Variants in KMT2D observed in about 807,000 individuals in gnomAD.
The protein encoded by KMT2D is histone-lysine N-methyltransferase 2D.
Under a neutral mutation model 512.7 loss-of-function variants are expected in KMT2D, and 55 were observed. The ratio of observed to expected loss-of-function variants is 0.11; its 90% CI spans 0.09 to 0.13. The LOEUF is 0.13. Ranked by LOEUF, KMT2D falls within the 10% of genes least tolerant of loss-of-function variation. KMT2D has a pLI of 1.00. For missense variants in KMT2D, 6,061 were observed against 7,127.9 expected (o/e 0.85, Z 5.39); for synonymous variants, 2,995 against 2,904.0 (o/e 1.03, Z -1.01).
chr12:49,024,237 G>A lies in KMT2D; in HGVS notation c.16052+341C>T, dbSNP rs1942463702. On this transcript the variant is annotated intron_variant, in intron 51 of 54. Coordinates refer to ENST00000301067, the MANE Select transcript of KMT2D (RefSeq NM_003482.4). The surrounding 1 kb of genome is among the most constrained non-coding windows in gnomAD (Gnocchi z 4.5). Reference sequence around the variant, plus strand: ...CCCTAGCACCCATGGGGTATCTGAGGTTTGGGAGAATCACAGGCCCTCCCC... The same window carrying A: ...CCCTAGCACCCATGGGGTATCTGAGATTTGGGAGAATCACAGGCCCTCCCC... 2.5e-6 allele frequency: 1 copy of A among 400,470 alleles called. No individual in the cohort carries two copies. Among genetic ancestry groups the A allele is most frequent in the Non-Finnish European group, 4.7e-6 (1 of 214,896 alleles). The allele number at this position is 400,470 out of a possible 1,614,324, so 24.8% of individuals were successfully genotyped here. A position where few individuals can be genotyped will look rare whatever the true frequency, so the allele number is the denominator to read the frequency against.
At chr12:49,035,114 T>C (rs1251155015) in intron 35 of KMT2D, among the ~76,000 whole-genome samples, 179 bp from the exon 36 acceptor site, 1 of 152,164 alleles carries the variant, frequency 6.6e-6, no homozygotes, top group Admixed American at 6.5e-5. Flanking sequence ...TCACAGGACA[T>C]GTGGGCCTGT....
rs1942292760 is a variant in KMT2D, at chr12:49,020,941, A to T, written c.*839T>A. ...CAACCACCATCCCATGCCCATAATT[A>T]AAAACAAAGATGGATTTTTTGTTGT... On this transcript the variant is annotated 3_prime_UTR_variant, in exon 55 of 55. Coordinates refer to ENST00000301067, the MANE Select transcript of KMT2D (RefSeq NM_003482.4). 5.1e-6 allele frequency: 1 copy of T among 195,520 alleles called. No homozygotes were observed. The highest frequency in any genetic ancestry group is 6.1e-5 in the Admixed American group (1 of 16,360). The allele number at this position is 195,520 out of a possible 1,614,324, so 12.1% of individuals were successfully genotyped here. A position where few individuals can be genotyped will look rare whatever the true frequency, so the allele number is the denominator to read the frequency against.
chr12:49,034,761 G>C, intron 36 of KMT2D, 51 bp downstream of exon 36: 1 of 1,607,554 alleles, frequency 6.2e-7, no homozygotes, highest in African/African-American at 1.3e-5. Context: ...GCCAAGAAGG[G>C]GTGTGACTGG....
At chr12:49,056,157 C>A (rs1938394779) in intron 1 of KMT2D, among the ~76,000 whole-genome samples, 1 of 152,194 alleles carries the variant, frequency 6.6e-6, no homozygotes, top group African/African-American at 2.4e-5. Context: ...TGTAGCCAGG[C>A]CTGAGGCTAA....
intron 1 of KMT2D, among the ~76,000 whole-genome samples, chr12:49,059,070 C>T (rs887553423): frequency 6.6e-6 from 1 of 152,172 alleles, no homozygotes; most frequent in Non-Finnish European, 1.5e-5. Flanking sequence ...TCAGTTTCCA[C>T]ACACTCTCCC....
chr12:49,029,498 GA>G, intron 43 of KMT2D, 22 bp from the exon 44 acceptor site: 1 of 1,544,560 alleles, frequency 6.5e-7, no homozygotes, highest in Non-Finnish European at 8.8e-7. Context: ...GTAGGGAGAA[GA>G]AAAGTCAGGT....
chr12:49,035,321 A>G (rs1381606622), intron 35 of KMT2D, among the ~76,000 whole-genome samples: 4 of 152,202 alleles, frequency 2.6e-5, no homozygotes, highest in Non-Finnish European at 5.9e-5. Flanking sequence ...CTTCAAAGGT[A>G]ATGTTCTTAG....
intron 10 of KMT2D, 57 bp downstream of exon 10, chr12:49,052,507 G>C (rs776367433): frequency 1.8e-5 from 28 of 1,591,686 alleles, no homozygotes; most frequent in Non-Finnish European, 2.3e-5. Flanking sequence ...TGCACAAACT[G>C]TCTCTTGCCA....
At position 49,043,311 on chromosome 12, in the gene KMT2D, G is replaced by C. The variant is rs1332454906; in HGVS notation, c.5533+52C>G. On this transcript the variant is annotated intron_variant, in intron 25 of 54. Coordinates refer to ENST00000301067, the MANE Select transcript of KMT2D (RefSeq NM_003482.4). ...ACAATGCTCAGGGGCACAGCAGAGG[G>C]ACAGAGGCAAGCAAGGCCAAGACAG... 2.8e-5 allele frequency: 44 copies of C among 1,585,576 alleles called. No homozygotes were observed. In the East Asian group the frequency reaches 9.6e-4, roughly 35 times the overall value.
rs1224252970 is a variant in KMT2D at position 49,042,037 on chromosome 12, C to T, written c.6110-47G>A. 4 of 1,611,694 alleles carry T rather than the reference C, an allele frequency of 2.5e-6. No individual in the cohort carries two copies. The South Asian group carries it at 3.3e-5, about 13-fold the overall frequency. On this transcript the variant is annotated intron_variant, in intron 29 of 54. Coordinates refer to ENST00000301067, the MANE Select transcript of KMT2D (RefSeq NM_003482.4). The surrounding 1 kb of genome is among the most constrained non-coding windows in gnomAD (Gnocchi z 4.4). The stretch of plus-strand genomic sequence containing the variant: ...TCAGAGAAGACTTGGCAGGCGACTC[C>T]TCCACCTGCCATGTTGCCAGGCTGT...
At chr12:49,036,630 A>G (rs946792822) in intron 35 of KMT2D, among the ~76,000 whole-genome samples, 3 of 151,900 alleles carry the variant, frequency 2.0e-5, no homozygotes, top group African/African-American at 7.3e-5. Context: ...CTGGGATTAC[A>G]GGGATGCACC....
In KMT2D at chr12:49,043,105, C is replaced by T. The variant is rs752658829; in HGVS notation, c.5615G>A (p.Ser1872Asn). The T allele has an allele frequency of 6.2e-7, 1 of 1,613,974 alleles. No homozygotes were observed. The highest frequency in any genetic ancestry group is 8.5e-7 in the Non-Finnish European group (1 of 1,179,832). ...KPGTPGEGML[S>N]SDLDRISTEE... ...TGTGGAAATCCTGTCTAAGTCAGAG[C>T]TAAGCATCCCTTCACCTGGGGTGCC... is the stretch of plus-strand genomic sequence containing the variant. The change falls in exon 26 of 55, where the codon AGC (serine) becomes AAC (asparagine). Residue 1872 changes from serine to asparagine, a missense_variant. Ser to Asn is a conservative substitution (Grantham distance 46). This residue lies in a region of KMT2D where 640 missense variants were observed against 814.3 expected (regional missense o/e 0.79). Coordinates refer to ENST00000301067, the MANE Select transcript of KMT2D (RefSeq NM_003482.4).
In KMT2D at chr12:49,030,286, G is replaced by A; in HGVS notation, c.13993C>T (p.Leu4665=). Residue 4665 remains leucine, a synonymous_variant, in exon 43 of 55, where the codon CTG becomes TTG. Coordinates refer to ENST00000301067, the MANE Select transcript of KMT2D (RefSeq NM_003482.4). ...GCATCTGCTCTTGACTTACCCCTCAGTGCCCTTTCACTATCCCGGGCAGAG... is the reference window on the plus strand; with the variant it reads ...GCATCTGCTCTTGACTTACCCCTCAATGCCCTTTCACTATCCCGGGCAGAG... ...AASARDSERA[L]RDTSEVKSLD... 1 of 1,600,692 alleles carries A rather than the reference G, an allele frequency of 6.2e-7. No individual in the cohort carries two copies. Among genetic ancestry groups the A allele is most frequent in the African/African-American group, 1.3e-5 (1 of 74,800 alleles).
intron 44 of KMT2D, 68 bp from the exon 45 acceptor site, chr12:49,029,304 T>C (rs1942767499): frequency 1.3e-6 from 2 of 1,590,734 alleles, no homozygotes; most frequent in African/African-American, 1.3e-5. Flanking sequence ...TAGAGATGAA[T>C]AGATGTCTTA....
In KMT2D at chr12:49,027,990, G is replaced by A. The variant is rs1400419067; in HGVS notation, c.14515+19C>T. 6.2e-7 allele frequency: 1 copy of A among 1,613,346 alleles called. No homozygotes were observed. The highest frequency in any genetic ancestry group is 1.1e-5 in the South Asian group (1 of 91,046). On this transcript the variant is annotated intron_variant, in intron 47 of 54. Coordinates refer to ENST00000301067, the MANE Select transcript of KMT2D (RefSeq NM_003482.4). The stretch of plus-strand genomic sequence containing the variant: ...AATCACTCCCCTCAAGTCCCAAAGG[G>A]CTTCCCTGCCACACTCACCAGGACC...
intron 1 of KMT2D, among the ~76,000 whole-genome samples, chr12:49,057,318 A>C (rs1360819035): frequency 6.6e-6 from 1 of 152,230 alleles, no homozygotes; most frequent in Non-Finnish European, 1.5e-5. Flanking sequence ...GTTGAGGCCA[A>C]AAGAGTCACA....
chr12:49,040,559 G>A lies in KMT2D; in HGVS notation c.7211C>T (p.Pro2404Leu), dbSNP rs1292234282. ...AGGCACTCGGGAGAAAGGGTCGGAG[G>A]GCAGTGAGCGAGGGGGCAGAGCACA... ...SCCALPPRSL[P>L]SDPFSRVPAS... The change falls in exon 32 of 55, where the codon CCC becomes CTC. Residue 2404 changes from proline to leucine, a missense_variant. Transcript: ENST00000301067. The A allele has an allele frequency of 1.2e-6, 2 of 1,612,276 alleles. No individual in the cohort carries two copies. Among genetic ancestry groups the A allele is most frequent in the South Asian group, 1.1e-5 (1 of 90,984 alleles).
Position 49,034,147 on chromosome 12 carries a change from G to A in KMT2D, c.10660C>T (p.Arg3554Cys), listed in dbSNP as rs1943097240. The A allele has an allele frequency of 1.9e-6, 3 of 1,613,242 alleles. No homozygotes were observed. The highest frequency in any genetic ancestry group is 2.5e-6 in the Non-Finnish European group (3 of 1,179,882). ...TCAGCATCAGCTTCTGGGAACTCAC[G>A]GCCAGCTTTTTTGGCAGTGCGCTGC... ...AKQRTAKKAG[R>C]EFPEADAEKL... The change falls in exon 39 of 55, where the codon CGT becomes TGT. Residue 3554 changes from arginine (R) to cysteine (C), a missense_variant. Around this residue, in one of 16 missense-constraint regions of KMT2D, gnomAD observed 50 missense variants for 119.9 expected, o/e 0.42. Coordinates refer to ENST00000301067, the MANE Select transcript of KMT2D (RefSeq NM_003482.4).
rs1169110930 is a variant in KMT2D, at chr12:49,037,151, A to G, written c.10205T>C (p.Leu3402Pro). The G allele has an allele frequency of 1.9e-6, 3 of 1,583,044 alleles. No individual in the cohort carries two copies. The highest frequency in any genetic ancestry group is 2.6e-6 in the Non-Finnish European group (3 of 1,158,982). Residue 3402 changes from leucine to proline, a missense_variant, in exon 35 of 55, where the codon CTG becomes CCG. By Grantham distance (98) the Leu-to-Pro change is moderately conservative. Coordinates refer to ENST00000301067, the MANE Select transcript of KMT2D (RefSeq NM_003482.4). Reference sequence around the variant, plus strand: ...TGTATCTGGGAAGAAGCTGTTTGCCAGCTGCTGCTGCATTGCCAATTGCTG... The same window carrying G: ...TGTATCTGGGAAGAAGCTGTTTGCCGGCTGCTGCTGCATTGCCAATTGCTG... ...KPQQLAMQQQ[L>P]ANSFFPDTDL...
Sources: gnomAD v4.1 joint callset for allele counts (sites outside exome capture counted in the v4.1 genomes callset) on GRCh38, gnomAD v4.1.1 for gene constraint, gnomAD v4.1.1 regional missense constraint, Gnocchi (gnomAD v3.1) non-coding constraint, MANE v1.5 for transcripts, NCBI Gene and HGNC (gene_info 2026-07-23, HGNC 2026-07-21) for gene names.